Variants in LMAN2L observed in about 807,000 individuals in gnomAD.
LMAN2L encodes lectin, mannose binding 2 like.
LMAN2L carries 30 observed loss-of-function variants against 44.3 expected under a neutral mutation model. That is an observed-to-expected ratio of 0.68 (90% CI 0.51 to 0.92). The LOEUF (loss-of-function observed/expected upper bound fraction) is 0.92, where lower values mean the gene tolerates loss of function less well. LMAN2L is among the 40% of genes least tolerant of loss of function. The probability of loss-of-function intolerance (pLI) is 0.00; values close to 1 mark genes in which losing one functional copy is unlikely to be tolerated. For missense variants in LMAN2L, 429 were observed against 446.1 expected, an observed-to-expected ratio of 0.96 and a Z score of 0.35; for synonymous variants, 183 against 171.1, an observed-to-expected ratio of 1.07 and a Z score of -0.54.
intron 4 of LMAN2L, 77 bp from the exon 5 acceptor site, chr2:96,712,102 AG>A (rs2153321920): frequency 6.9e-7 from 1 of 1,454,384 alleles, no homozygotes; most frequent in East Asian, 2.3e-5. Context: ...ACAGGAATTC[AG>A]CACATACAAG....
intron 4 of LMAN2L, among the ~76,000 whole-genome samples, chr2:96,731,446 G>A (rs1411488698): frequency 6.6e-6 from 1 of 152,042 alleles, no homozygotes; most frequent in South Asian, 2.1e-4. Flanking sequence ...GTCAGGAGAT[G>A]GAGACCATCC....
At chr2:96,718,286 C>T (rs1187947009) in intron 4 of LMAN2L, among the ~76,000 whole-genome samples, 1 of 152,156 alleles carries the variant, frequency 6.6e-6, no homozygotes, top group Non-Finnish European at 1.5e-5. Flanking sequence ...ATCATAAGCA[C>T]AAAATTATTA....
In LMAN2L at chr2:96,706,440, A is replaced by C. The variant is rs1466386073; in HGVS notation, c.*816T>G. The C allele has an allele frequency of 6.6e-6, 1 of 152,228 alleles. No homozygotes were observed. Among genetic ancestry groups the C allele is most frequent in the Non-Finnish European group, 1.5e-5 (1 of 68,042 alleles). 9.4% of individuals were successfully genotyped at this position (152,228 alleles called of 1,614,324 possible). ...ATCAAACCTGGAGCTGGTCAGTTGC[A>C]CAGCTAATCCATGGCATCCATGATG... On this transcript the variant is annotated 3_prime_UTR_variant, in exon 8 of 8. Coordinates refer to ENST00000264963, the MANE Select transcript of LMAN2L (RefSeq NM_030805.4).
Position 96,734,426 on chromosome 2 carries a change from T to G in LMAN2L, c.407A>C (p.Lys136Thr), listed in dbSNP as rs765648124. ...HGDGLAIWYT[K>T]DRMQPGPVFG... The stretch of plus-strand genomic sequence containing the variant: ...CCCAATACCTGGCTGCATCCGATCC[T>G]TTGTGTACCAGATTGCCAAGCCATC... Residue 136 changes from lysine to threonine, a missense_variant, in exon 3 of 8, where the codon AAG becomes ACG. Physicochemically the swap from Lys to Thr is moderately conservative, Grantham distance 78. Coordinates refer to ENST00000264963, the MANE Select transcript of LMAN2L (RefSeq NM_030805.4). 27 of 1,608,878 alleles carry G rather than the reference T, an allele frequency of 1.7e-5. No homozygotes were observed. The highest frequency in any genetic ancestry group is 2.3e-5 in the Non-Finnish European group (27 of 1,175,180).
At chr2:96,709,086 T>C (rs2077853354) in intron 6 of LMAN2L, among the ~76,000 whole-genome samples, 1 of 151,834 alleles carries the variant, frequency 6.6e-6, no homozygotes, top group Non-Finnish European at 1.5e-5. Flanking sequence ...GGCTAATTTT[T>C]TGTATTTTTT....
intron 4 of LMAN2L, among the ~76,000 whole-genome samples, chr2:96,719,312 A>G (rs1255704420): frequency 6.6e-6 from 1 of 152,086 alleles, no homozygotes; most frequent in Non-Finnish European, 1.5e-5. Flanking sequence ...AAAAGAACTA[A>G]CCCAGGAATA....
intron 4 of LMAN2L, among the ~76,000 whole-genome samples, chr2:96,725,860 C>T (rs181401997): frequency 5.3e-5 from 8 of 152,056 alleles, no homozygotes; most frequent in Admixed American, 2.6e-4. Context: ...ATTTGCCAGG[C>T]GCGGTACCTC....
In LMAN2L at chr2:96,727,709, C is replaced by T. The variant is rs190901719; in HGVS notation, c.507+5810G>A. On this transcript the variant is annotated intron_variant, in intron 4 of 7. Transcript: ENST00000264963. ...ACAAGAAACCAGAAAAATGTTTTTA[C>T]CACTGTCTTGAGGAATTTCATGAAT... 8.5e-5 allele frequency among the ~76,000 whole-genome samples: 13 copies of T among 152,340 alleles called. No individual in the cohort carries two copies. The East Asian group carries it at 2.5e-3, about 29-fold the overall frequency.
chr2:96,714,288 G>C (rs2077988795), intron 4 of LMAN2L, among the ~76,000 whole-genome samples: 1 of 152,232 alleles, frequency 6.6e-6, no homozygotes, highest in South Asian at 2.1e-4. Context: ...ACTGGAAACA[G>C]ATCAGTCAGA....
intron 4 of LMAN2L, among the ~76,000 whole-genome samples, chr2:96,727,028 G>A (rs758490420): frequency 1.1e-4 from 16 of 151,946 alleles, no homozygotes; most frequent in Non-Finnish European, 1.9e-4. Flanking sequence ...AGGTTGCAGT[G>A]AGCCAAGATC....
At chr2:96,710,946 G>A (rs1234107421) in intron 6 of LMAN2L, among the ~76,000 whole-genome samples, 1 of 152,150 alleles carries the variant, frequency 6.6e-6, no homozygotes, top group Non-Finnish European at 1.5e-5. Context: ...GTGTATAAAC[G>A]AGAAGCTACG....
At position 96,711,714 on chromosome 2, in the gene LMAN2L, T is replaced by C. The variant is rs1573998074; in HGVS notation, c.726A>G (p.Gly242=). 7.4e-6 allele frequency: 12 copies of C among 1,614,000 alleles called. No individual in the cohort carries two copies. Among genetic ancestry groups the C allele is most frequent in the Non-Finnish European group, 1.0e-5 (12 of 1,180,030 alleles). Residue 242 remains glycine (G), a synonymous_variant, in exon 6 of 8, where the codon GGA becomes GGG. Coordinates refer to ENST00000264963, the MANE Select transcript of LMAN2L (RefSeq NM_030805.4). Reference sequence around the variant, plus strand: ...AGTAGTAGCCGCGGGGCAGGCGGACTCCGGGCACTTCAATGCAGTCCCTCC... The same window carrying C: ...AGTAGTAGCCGCGGGGCAGGCGGACCCCGGGCACTTCAATGCAGTCCCTCC... ...HEWRDCIEVP[G]VRLPRGYYFG...
intron 4 of LMAN2L, among the ~76,000 whole-genome samples, chr2:96,730,828 C>G (rs2078378530): frequency 6.6e-6 from 1 of 152,202 alleles, no homozygotes; most frequent in Non-Finnish European, 1.5e-5. Flanking sequence ...AAGCATGCCA[C>G]CACACCTGAC....
chr2:96,709,425 T>C (rs2077863703), intron 6 of LMAN2L, among the ~76,000 whole-genome samples: 2 of 152,146 alleles, frequency 1.3e-5, no homozygotes, highest in Non-Finnish European at 1.5e-5. Flanking sequence ...TTAGGGGGAA[T>C]TGGTATTTAG....
At chr2:96,734,661 A>C in intron 2 of LMAN2L, 135 bp from the exon 3 acceptor site, 1 of 640,344 alleles carries the variant, frequency 1.6e-6, no homozygotes. Context: ...TAAATCTAAG[A>C]CTTGCTATGT....
chr2:96,708,184 T>C (rs1302338521), intron 6 of LMAN2L, among the ~76,000 whole-genome samples: 1 of 152,248 alleles, frequency 6.6e-6, no homozygotes, highest in African/African-American at 2.4e-5. Context: ...AGGCTAGCGA[T>C]GTGTAGTACA....
At chr2:96,716,858 A>T (rs891007839) in intron 4 of LMAN2L, among the ~76,000 whole-genome samples, 1 of 152,196 alleles carries the variant, frequency 6.6e-6, no homozygotes, top group African/African-American at 2.4e-5. Context: ...TTATTTTTTT[A>T]AAATCAGGTC....
chr2:96,737,107 C>T, intron 2 of LMAN2L: 1 of 453,894 alleles, frequency 2.2e-6, no homozygotes, highest in South Asian at 1.6e-5. Context: ...TTAGAAAGCC[C>T]TGGAAACAGA....
chr2:96,730,989 T>C lies in LMAN2L; in HGVS notation c.507+2530A>G, dbSNP rs562091686. ...CACCCAGCCTCATCATCCCCTCTCT[T>C]AACCTTAGGACCTCGGCTTTTTTCC... On this transcript the variant is annotated intron_variant, in intron 4 of 7. Coordinates refer to ENST00000264963, the MANE Select transcript of LMAN2L (RefSeq NM_030805.4). Among the ~76,000 whole-genome samples, 14 of 152,194 alleles carry C rather than the reference T, an allele frequency of 9.2e-5. 1 individual carries two copies. In the East Asian group the frequency reaches 2.3e-3, roughly 25 times the overall value.
Sources: allele counts gnomAD v4.1 joint callset (sites outside exome capture counted in the v4.1 genomes callset), GRCh38; gene constraint gnomAD v4.1.1; transcripts MANE v1.5; gene names NCBI Gene and HGNC (gene_info 2026-07-23, HGNC 2026-07-21).